The following TASL variants were observed in gnomAD, a reference collection of about 807,000 sequenced individuals.
TASL encodes the protein TLR adaptor interacting with endolysosomal SLC15A4.
A neutral mutation model predicts 12.9 loss-of-function variants in TASL; 6 were observed. The ratio of observed to expected loss-of-function variants is 0.46; its 90% CI spans 0.25 to 0.92. The LOEUF (loss-of-function observed/expected upper bound fraction) is 0.92, where lower values mean the gene tolerates loss of function less well. Ranked by LOEUF, TASL falls within the 40% of genes least tolerant of loss-of-function variation. The probability of loss-of-function intolerance (pLI) is 0.17; values close to 1 mark genes in which losing one functional copy is unlikely to be tolerated. For synonymous variants in TASL, 85 were observed against 79.3 expected (o/e 1.07, Z -0.38); for missense variants, 165 against 212.8 (o/e 0.78, Z 1.40).
intron 2 of TASL, among the ~76,000 whole-genome samples, chrX:30,569,778 C>T (rs1032452394): frequency 1.8e-5 from 2 of 111,253 alleles, no homozygotes; most frequent in African/African-American, 3.3e-5. Flanking sequence ...TTTGGGAGGC[C>T]GAGGTGGATG....
intron 2 of TASL, among the ~76,000 whole-genome samples, chrX:30,573,451 G>A (rs1053517828): frequency 2.7e-5 from 3 of 112,786 alleles, no homozygotes; most frequent in African/African-American, 6.4e-5. Context: ...GGGTGGCCCA[G>A]ATGACTACAC....
At chrX:30,563,988 A>C (rs990221336) in intron 2 of TASL, among the ~76,000 whole-genome samples, 1 of 111,701 alleles carries the variant, frequency 9.0e-6, no homozygotes, top group African/African-American at 3.3e-5. Context: ...AGAATTCTGA[A>C]ACATCTGAGG....
chrX:30,576,185 T>C (rs1930701533), intron 2 of TASL, among the ~76,000 whole-genome samples: 1 of 112,089 alleles, frequency 8.9e-6, no homozygotes, highest in African/African-American at 3.2e-5. Flanking sequence ...AATTTGAATG[T>C]GTATCACATC....
At chrX:30,568,312 T>C (rs1385192314) in intron 2 of TASL, among the ~76,000 whole-genome samples, 1 of 111,249 alleles carries the variant, frequency 9.0e-6, no homozygotes, top group African/African-American at 3.3e-5. Flanking sequence ...TGTTTGTGGT[T>C]AAAGATATTG....
chrX:30,562,895 A>AACAC (rs1177875322), intron 2 of TASL, among the ~76,000 whole-genome samples: 2 of 75,082 alleles, frequency 2.7e-5, no homozygotes, highest in African/African-American at 1.0e-4. Flanking sequence ...AAAAAGGTAT[A>AACAC]ATACACACAC....
intron 2 of TASL, among the ~76,000 whole-genome samples, chrX:30,562,773 T>C (rs770000758): frequency 4.5e-5 from 5 of 110,109 alleles, no homozygotes; most frequent in Non-Finnish European, 9.5e-5. Flanking sequence ...AAAAAAGATA[T>C]CCAATTGAGG....
intron 2 of TASL, among the ~76,000 whole-genome samples, chrX:30,560,663 TG>T (rs76049701): frequency 0.25 from 24,268 of 96,766 alleles, 2,393 homozygotes; most frequent in East Asian, 0.77. Flanking sequence ...AGTACAGGGG[TG>T]GGGGGGTCCC....
At chrX:30,567,752 A>G (rs1023938817) in intron 2 of TASL, among the ~76,000 whole-genome samples, 1 of 111,567 alleles carries the variant, frequency 9.0e-6, no homozygotes, top group Non-Finnish European at 1.9e-5. Flanking sequence ...GCAACACAGC[A>G]TGCTATTTAA....
chrX:30,577,140 A>G (rs994737052), intron 1 of TASL, among the ~76,000 whole-genome samples: 2 of 112,269 alleles, frequency 1.8e-5, no homozygotes, highest in African/African-American at 6.5e-5. Flanking sequence ...AAGCTTGCTG[A>G]ACTGAATAAT....
At position 30,559,436 on chromosome X, in the gene TASL, T is replaced by G; in HGVS notation, c.*14A>C. On this transcript the variant is annotated 3_prime_UTR_variant, in exon 3 of 3. Coordinates refer to ENST00000378962, the MANE Select transcript of TASL (RefSeq NM_025159.3). ...TGTTTAAGTAAATGCGAGACAGTAA[T>G]GGAAGCATCCTCTCTATGGATTTAC... 1 of 1,121,235 alleles carries G rather than the reference T, an allele frequency of 8.9e-7. No individual in the cohort carries two copies. The highest frequency in any genetic ancestry group is 1.2e-6 in the Non-Finnish European group (1 of 835,836). 92.4% of individuals were successfully genotyped at this position (1,121,235 alleles called of 1,213,427 possible). A position where few individuals can be genotyped will look rare whatever the true frequency, so the allele number is the denominator to read the frequency against.
At chrX:30,577,122 A>G (rs1930718504) in intron 1 of TASL, among the ~76,000 whole-genome samples, 1 of 112,228 alleles carries the variant, frequency 8.9e-6, no homozygotes, top group African/African-American at 3.2e-5. Flanking sequence ...ACAGAAAAAC[A>G]CTATCACAAG....
intron 2 of TASL, among the ~76,000 whole-genome samples, chrX:30,567,290 A>AAAG (rs1326764934): frequency 1.8e-5 from 2 of 110,492 alleles, no homozygotes; most frequent in Admixed American, 1.9e-4. Context: ...AAAAAAAAAA[A>AAAG]AAAGAAAGAA....
intron 2 of TASL, among the ~76,000 whole-genome samples, chrX:30,573,046 T>C (rs1225932748): frequency 8.9e-6 from 1 of 112,443 alleles, no homozygotes; most frequent in Non-Finnish European, 1.9e-5. Context: ...GCAGATTAGA[T>C]ATTATCATAA....
At chrX:30,573,512 A>C (rs1930660832) in intron 2 of TASL, among the ~76,000 whole-genome samples, 1 of 112,497 alleles carries the variant, frequency 8.9e-6, no homozygotes, top group Admixed American at 9.4e-5. Flanking sequence ...GAATACAATT[A>C]ATTTATCCTC....
chrX:30,565,830 G>T (rs771251217), intron 2 of TASL, among the ~76,000 whole-genome samples: 2 of 110,694 alleles, frequency 1.8e-5, no homozygotes, highest in Non-Finnish European at 3.8e-5. Flanking sequence ...GAATGCAGTG[G>T]TGTGATCTCG....
At position 30,571,268 on chromosome X, in the gene TASL, A is replaced by AAGAAAGAAAGAAAG. The variant is rs1569306086; in HGVS notation, c.-2+5470_-2+5483dup. 4.3e-4 allele frequency among the ~76,000 whole-genome samples: 17 copies of AAGAAAGAAAGAAAG among 39,281 alleles called. 1 individual carries two copies. Among genetic ancestry groups the AAGAAAGAAAGAAAG allele is most frequent in the East Asian group, 4.0e-3 (5 of 1,250 alleles). The allele number at this position is 39,281 out of a possible 115,157, so 34.1% of individuals were successfully genotyped here. On this transcript the variant is annotated intron_variant, in intron 2 of 2. Coordinates refer to ENST00000378962, the MANE Select transcript of TASL (RefSeq NM_025159.3). ...AAAGAGAAAGAAAGAGAAAGAAAGA[A>AAGAAAGAAAGAAAG]AGAAAGAAAGAAAGAAAGAAAGAAA...
intron 2 of TASL, among the ~76,000 whole-genome samples, chrX:30,561,652 A>G (rs1438085659): frequency 1.8e-5 from 2 of 111,648 alleles, no homozygotes; most frequent in Non-Finnish European, 3.8e-5. Context: ...AGGTAAATAA[A>G]ATGTTTCCCT....
chrX:30,575,904 C>A (rs1930697201), intron 2 of TASL, among the ~76,000 whole-genome samples: 2 of 110,491 alleles, frequency 1.8e-5, no homozygotes, highest in Admixed American at 9.7e-5. Context: ...AAAATTAAAC[C>A]TTTTGGATCA....
intron 2 of TASL, among the ~76,000 whole-genome samples, chrX:30,571,312 A>AAGAC (rs775151182): frequency 1.0e-5 from 1 of 99,447 alleles, no homozygotes; most frequent in Non-Finnish European, 2.1e-5. Flanking sequence ...GAAAGAAAGA[A>AAGAC]AGAAAGAAAG....
Sources: gnomAD v4.1 joint callset for allele counts (sites outside exome capture counted in the v4.1 genomes callset) on GRCh38, gnomAD v4.1.1 for gene constraint, MANE v1.5 for transcripts, NCBI Gene and HGNC (gene_info 2026-07-23, HGNC 2026-07-21) for gene names.